PLEKHA5: variants seen among roughly 807,000 people sequenced by gnomAD.
The protein encoded by PLEKHA5 is pleckstrin homology domain containing A5.
PLEKHA5 carries 55 observed loss-of-function variants against 181.9 expected under a neutral mutation model. The observed-to-expected ratio is 0.30, with a 90% CI of 0.24 to 0.38. The LOEUF is 0.38. Among genes scored for constraint, PLEKHA5 ranks in the 10% least tolerant of loss-of-function variants. PLEKHA5 has a pLI of 1.00. For missense variants in PLEKHA5, 1,432 were observed against 1,549.5 expected (o/e 0.92, Z 1.27); for synonymous variants, 535 against 529.4 (o/e 1.01, Z -0.15).
At chr12:19,170,450 A>T (rs1468780076) in intron 3 of PLEKHA5, among the ~76,000 whole-genome samples, 1 of 149,420 alleles carries the variant, frequency 6.7e-6, no homozygotes, top group Non-Finnish European at 1.5e-5. Context: ...TTTTGGAGAC[A>T]GAGTCTCCCT....
At chr12:19,183,070 A>T (rs2151867213) in intron 3 of PLEKHA5, among the ~76,000 whole-genome samples, 1 of 152,344 alleles carries the variant, frequency 6.6e-6, no homozygotes, top group Non-Finnish European at 1.5e-5. Context: ...TAGTGAAAAT[A>T]AACACCAAAA....
At chr12:19,276,211 C>T (rs1178323477) in intron 11 of PLEKHA5, among the ~76,000 whole-genome samples, 1 of 152,088 alleles carries the variant, frequency 6.6e-6, no homozygotes. Flanking sequence ...GAAGAACAGG[C>T]TAGAGACATA....
At chr12:19,320,495 T>G (rs960169476) in intron 17 of PLEKHA5, 67 bp from the exon 18 acceptor site, 6 of 711,010 alleles carry the variant, frequency 8.4e-6, no homozygotes, top group South Asian at 1.8e-5. Context: ...TCCAAAGTAT[T>G]AATTAATAGG....
chr12:19,322,986 C>G (rs1592488860), intron 20 of PLEKHA5, among the ~76,000 whole-genome samples: 1 of 146,846 alleles, frequency 6.8e-6, no homozygotes, highest in African/African-American at 2.5e-5. Context: ...GTAGCTGGGA[C>G]TACAGGCTGG....
chr12:19,136,077 G>T (rs2035569271), intron 3 of PLEKHA5, among the ~76,000 whole-genome samples: 1 of 151,486 alleles, frequency 6.6e-6, no homozygotes, highest in Non-Finnish European at 1.5e-5. Context: ...AGAGAGACAG[G>T]GTCTTCCTAT....
chr12:19,324,034 G>C (rs2091537281), intron 20 of PLEKHA5, among the ~76,000 whole-genome samples: 1 of 152,090 alleles, frequency 6.6e-6, no homozygotes, highest in Non-Finnish European at 1.5e-5. Flanking sequence ...CTTTGAAAGA[G>C]AAATCTTAGG....
intron 25 of PLEKHA5, 33 bp from the exon 26 acceptor site, chr12:19,353,851 T>C (rs769256101): frequency 2.0e-5 from 19 of 959,424 alleles, no homozygotes; most frequent in Non-Finnish European, 3.2e-5. Flanking sequence ...ATAAAAGATG[T>C]TTTGTAAAAC....
At chr12:19,316,437 G>GA (rs60829228) in intron 16 of PLEKHA5, among the ~76,000 whole-genome samples, 167 of 150,260 alleles carry the variant, frequency 1.1e-3, no homozygotes, top group African/African-American at 3.7e-3. Flanking sequence ...TGAGGGGGGG[G>GA]AAAGTGAAGA....
chr12:19,150,706 C>T (rs961150851), intron 3 of PLEKHA5: 1 of 152,166 alleles, frequency 6.6e-6, no homozygotes, highest in South Asian at 2.1e-4. Context: ...AATGCTATGT[C>T]ACTGGTGCAT....
intron 18 of PLEKHA5, chr12:19,321,809 A>G (rs1423655137): frequency 6.6e-6 from 1 of 152,256 alleles, no homozygotes; most frequent in Non-Finnish European, 1.5e-5. Context: ...TCATTATGCC[A>G]TAAAGTTGGG....
intron 28 of PLEKHA5, among the ~76,000 whole-genome samples, chr12:19,360,816 C>T (rs1042656773): frequency 7.3e-5 from 11 of 151,522 alleles, no homozygotes; most frequent in African/African-American, 2.2e-4. Flanking sequence ...AGTACAGTGG[C>T]GTGATCTTGG....
intron 15 of PLEKHA5, among the ~76,000 whole-genome samples, chr12:19,304,186 C>G (rs1018487368): frequency 6.6e-6 from 1 of 152,092 alleles, no homozygotes; most frequent in African/African-American, 2.4e-5. Context: ...CTTTGGGAAT[C>G]CTGAGGTCAG....
chr12:19,197,887 AG>A (rs2053316871), intron 3 of PLEKHA5, among the ~76,000 whole-genome samples: 1 of 151,030 alleles, frequency 6.6e-6, no homozygotes, highest in African/African-American at 2.4e-5. Context: ...GCTGCCTTGC[AG>A]CCATTCTCAA....
chr12:19,221,658 A>G (rs1266501253), intron 3 of PLEKHA5, among the ~76,000 whole-genome samples: 1 of 152,180 alleles, frequency 6.6e-6, no homozygotes. Context: ...ATCCCAAGGT[A>G]GAATGCAGAC....
At chr12:19,224,892 A>G (rs1366700197) in intron 3 of PLEKHA5, among the ~76,000 whole-genome samples, 1 of 152,124 alleles carries the variant, frequency 6.6e-6, no homozygotes, top group Admixed American at 6.6e-5. Context: ...GTCTCAGCTG[A>G]CAGGAGGCTG....
intron 20 of PLEKHA5, among the ~76,000 whole-genome samples, chr12:19,323,292 G>A (rs2091351763): frequency 6.6e-6 from 1 of 152,056 alleles, no homozygotes; most frequent in Non-Finnish European, 1.5e-5. Context: ...GGAGGCCAAG[G>A]TGGGTGGATC....
At chr12:19,318,946 A>C (rs993807385) in intron 16 of PLEKHA5, among the ~76,000 whole-genome samples, 1 of 152,174 alleles carries the variant, frequency 6.6e-6, no homozygotes, top group Non-Finnish European at 1.5e-5. Context: ...TAAGCAAACT[A>C]TATTTGAACA....
intron 3 of PLEKHA5, among the ~76,000 whole-genome samples, chr12:19,149,016 G>A (rs988904722): frequency 1.2e-4 from 18 of 152,164 alleles, no homozygotes; most frequent in Non-Finnish European, 2.2e-4. Flanking sequence ...CTTTGGGGTT[G>A]TGAGTCTTTA....
chr12:19,330,563 T>G (rs977884813), intron 20 of PLEKHA5, among the ~76,000 whole-genome samples: 12 of 151,184 alleles, frequency 7.9e-5, no homozygotes, highest in Non-Finnish European at 5.9e-5. Flanking sequence ...ATGACAAGTA[T>G]AAATTCGTAA....
Sources: allele counts gnomAD v4.1 joint callset (sites outside exome capture counted in the v4.1 genomes callset), GRCh38; gene constraint gnomAD v4.1.1; transcripts MANE v1.5; gene names NCBI Gene and HGNC (gene_info 2026-07-23, HGNC 2026-07-21).